The following ETV5 variants were observed in gnomAD, a reference collection of about 807,000 sequenced individuals.
ETV5 encodes the protein ETS variant transcription factor 5.
In ETV5, 10 loss-of-function variants were observed where a neutral mutation model predicts 70.0. That is an observed-to-expected ratio of 0.14 (90% CI 0.09 to 0.24). The LOEUF (loss-of-function observed/expected upper bound fraction) is 0.24. Ranked by LOEUF, ETV5 falls within the 10% of genes least tolerant of loss-of-function variation. The probability of loss-of-function intolerance (pLI) is 1.00; values close to 1 mark genes in which losing one functional copy is unlikely to be tolerated. For missense variants in ETV5, 453 were observed against 651.2 expected, an observed-to-expected ratio of 0.70 and a Z score of 3.31; for synonymous variants, 216 against 242.2, an observed-to-expected ratio of 0.89 and a Z score of 1.01.
Position 186,051,896 on chromosome 3 carries a change from T to A in ETV5, c.1311+134A>T, listed in dbSNP as rs149086523. The A allele has an allele frequency of 8.5e-4, 620 of 727,992 alleles. 4 individuals carry two copies. The East Asian group carries it at 0.015, about 17-fold the overall frequency. The allele number at this position is 727,992 out of a possible 1,614,324, so 45.1% of individuals were successfully genotyped here. On this transcript the variant is annotated intron_variant, in intron 12 of 12. Coordinates refer to ENST00000306376, the MANE Select transcript of ETV5 (RefSeq NM_004454.3). Reference sequence around the variant, plus strand: ...TTGTCTCAAGTTTGTCTTCTCAAGATTGTTTCCTACCACAGAATCACTTAG... The same window carrying A: ...TTGTCTCAAGTTTGTCTTCTCAAGAATGTTTCCTACCACAGAATCACTTAG...
At position 186,048,047 on chromosome 3, in the gene ETV5, G is replaced by A. The variant is rs370459210; in HGVS notation, c.*592C>T. The stretch of plus-strand genomic sequence containing the variant: ...GTTCCCAAGAGTAGCCATGGTTTAT[G>A]ATTTTGAGAACCACGGAGTGGGGAA... On this transcript the variant is annotated 3_prime_UTR_variant, in exon 13 of 13. Coordinates refer to ENST00000306376, the MANE Select transcript of ETV5 (RefSeq NM_004454.3). 4.3e-6 allele frequency: 1 copy of A among 233,434 alleles called. No individual in the cohort carries two copies. Among genetic ancestry groups the A allele is most frequent in the African/African-American group, 2.2e-5 (1 of 45,320 alleles). The allele number at this position is 233,434 out of a possible 1,614,324, so 14.5% of individuals were successfully genotyped here.
intron 7 of ETV5, among the ~76,000 whole-genome samples, chr3:186,066,987 A>G (rs1713461736): frequency 6.6e-6 from 1 of 152,254 alleles, no homozygotes; most frequent in African/African-American, 2.4e-5. Flanking sequence ...TATGGATTAA[A>G]GGTTCCAATA....
intron 5 of ETV5, among the ~76,000 whole-genome samples, chr3:186,088,546 TG>T (rs1435440166): frequency 1.1e-4 from 16 of 152,102 alleles, no homozygotes; most frequent in African/African-American, 3.1e-4. Flanking sequence ...AGTCCAAGAA[TG>T]GGGGTGGGAG....
At chr3:186,072,140 A>C (rs1297981049) in intron 7 of ETV5, among the ~76,000 whole-genome samples, 2 of 150,424 alleles carry the variant, frequency 1.3e-5, no homozygotes, top group Non-Finnish European at 3.0e-5. Context: ...CAAGGTGGGC[A>C]GATCACCATG....
intron 1 of ETV5, among the ~76,000 whole-genome samples, chr3:186,107,815 A>T (rs1416125563): frequency 6.6e-6 from 1 of 151,910 alleles, no homozygotes; most frequent in Non-Finnish European, 1.5e-5. Context: ...CTGTAACTGG[A>T]TCTCTAGCGC....
Position 186,064,444 on chromosome 3 carries a change from C to A in ETV5, c.943G>T (p.Gly315Trp). The change falls in exon 9 of 13, where the codon GGG (glycine) becomes TGG (tryptophan). Residue 315 changes from glycine to tryptophan, a missense_variant. Coordinates refer to ENST00000306376, the MANE Select transcript of ETV5 (RefSeq NM_004454.3). ...TCATGGCTGCTGGAGAAATAACCCC[C>A]TCTCATGTAGGATGACTGGCAGTTA... ...VPNCQSSYMR[G>W]GYFSSSHEGF... is the part of the protein sequence containing the mutation. The A allele has an allele frequency of 6.2e-7, 1 of 1,614,122 alleles. No individual in the cohort carries two copies. Among genetic ancestry groups the A allele is most frequent in the South Asian group, 1.1e-5 (1 of 91,082 alleles).
chr3:186,105,548 G>A lies in ETV5; in HGVS notation c.134-52C>T. 6.2e-7 allele frequency: 1 copy of A among 1,612,122 alleles called. No homozygotes were observed. Among genetic ancestry groups the A allele is most frequent in the East Asian group, 2.2e-5 (1 of 44,870 alleles). Reference sequence around the variant, plus strand: ...ATGAGGATATTTCTTTCGCTAGGGAGAAGACAGGGAAGAATCTACACGCTA... The same window carrying A: ...ATGAGGATATTTCTTTCGCTAGGGAAAAGACAGGGAAGAATCTACACGCTA... On this transcript the variant is annotated intron_variant, in intron 3 of 12. Coordinates refer to ENST00000306376, the MANE Select transcript of ETV5 (RefSeq NM_004454.3). The surrounding 1 kb of genome is among the most constrained non-coding windows in gnomAD (Gnocchi z 4.5).
intron 9 of ETV5, among the ~76,000 whole-genome samples, chr3:186,061,881 A>T (rs972623265): frequency 5.3e-5 from 8 of 152,208 alleles, no homozygotes; most frequent in African/African-American, 1.9e-4. Context: ...TTTGATTCAC[A>T]TCTAATTACT....
chr3:186,107,676 C>G (rs1714620613), intron 1 of ETV5, among the ~76,000 whole-genome samples: 1 of 152,170 alleles, frequency 6.6e-6, no homozygotes, highest in Admixed American at 6.5e-5. Flanking sequence ...CCACCACCCG[C>G]GCCCCGGGCG....
chr3:186,087,812 G>C (rs1578555918), intron 5 of ETV5, among the ~76,000 whole-genome samples: 1 of 151,794 alleles, frequency 6.6e-6, no homozygotes, highest in African/African-American at 2.4e-5. Flanking sequence ...TGAATGTTAT[G>C]ATGAGCAACA....
At chr3:186,069,520 T>TAA (rs142248661) in intron 7 of ETV5, among the ~76,000 whole-genome samples, 8,253 of 147,544 alleles carry the variant, frequency 0.056, 303 homozygotes, top group Non-Finnish European at 0.082. Flanking sequence ...TTTTTTTTTT[T>TAA]AAAAAAAGTC....
intron 1 of ETV5, chr3:186,108,653 G>T (rs2108447994): frequency 1.7e-6 from 2 of 1,155,702 alleles, no homozygotes; most frequent in South Asian, 1.6e-5. Context: ...CCATCCACTC[G>T]GGAGCCCCCG....
chr3:186,080,978 A>C, intron 6 of ETV5, 68 bp downstream of exon 6: 1 of 1,529,244 alleles, frequency 6.5e-7, no homozygotes, highest in South Asian at 1.3e-5. Flanking sequence ...GGGAAGGAAC[A>C]TTCAGCTTGA....
intron 1 of ETV5, among the ~76,000 whole-genome samples, chr3:186,108,084 C>G (rs1222409431): frequency 6.6e-6 from 1 of 151,934 alleles, no homozygotes; most frequent in Non-Finnish European, 1.5e-5. Flanking sequence ...TTCATAAAAA[C>G]GAGGTGCGGC....
intron 5 of ETV5, among the ~76,000 whole-genome samples, chr3:186,102,617 ACG>A (rs1714487325): frequency 7.9e-6 from 1 of 126,612 alleles, no homozygotes; most frequent in South Asian, 2.7e-4. Context: ...GGCCTGGGTG[ACG>A]AGCAAAACTC....
At chr3:186,055,348 C>T (rs1172862550) in intron 11 of ETV5, among the ~76,000 whole-genome samples, 1 of 152,178 alleles carries the variant, frequency 6.6e-6, no homozygotes, top group Non-Finnish European at 1.5e-5. Flanking sequence ...ATAAACCAGG[C>T]CACGTTATTC....
At chr3:186,062,088 G>T (rs1264092755) in intron 9 of ETV5, among the ~76,000 whole-genome samples, 2 of 152,206 alleles carry the variant, frequency 1.3e-5, no homozygotes, top group Admixed American at 1.3e-4. Flanking sequence ...TGGAATTTGA[G>T]AATAACCTGG....
chr3:186,074,787 G>A (rs1713737253), intron 7 of ETV5, among the ~76,000 whole-genome samples: 2 of 140,294 alleles, frequency 1.4e-5, no homozygotes, highest in Non-Finnish European at 1.5e-5. Flanking sequence ...GGTGGTGCCC[G>A]CCTATAATTC....
chr3:186,106,720 T>C (rs1431873863), intron 1 of ETV5, among the ~76,000 whole-genome samples: 1 of 152,122 alleles, frequency 6.6e-6, no homozygotes, highest in Non-Finnish European at 1.5e-5. Context: ...AGCGGAATCA[T>C]TTTTTTCTAG....
Sources: allele counts gnomAD v4.1 joint callset (sites outside exome capture counted in the v4.1 genomes callset), GRCh38; gene constraint gnomAD v4.1.1; non-coding constraint Gnocchi (gnomAD v3.1); transcripts MANE v1.5; gene names NCBI Gene and HGNC (gene_info 2026-07-23, HGNC 2026-07-21).